YWHAE: variants seen among roughly 807,000 people sequenced by gnomAD.
YWHAE encodes the protein tyrosine 3-monooxygenase/tryptophan 5-monooxygenase activation protein epsilon, also known as 14-3-3 protein epsilon.
A neutral mutation model predicts 30.1 loss-of-function variants in YWHAE; 4 were observed. The observed-to-expected ratio is 0.13, with a 90% CI of 0.07 to 0.30. The LOEUF (loss-of-function observed/expected upper bound fraction) is 0.30. YWHAE is among the 10% of genes least tolerant of loss of function. YWHAE has a pLI of 1.00. For missense variants in YWHAE, 121 were observed against 315.9 expected (o/e 0.38, Z 4.68); for synonymous variants, 118 against 111.8 (o/e 1.06, Z -0.35).
At chr17:1,378,839 C>G (rs572763644) in intron 1 of YWHAE, among the ~76,000 whole-genome samples, 1 of 151,846 alleles carries the variant, frequency 6.6e-6, no homozygotes, top group South Asian at 2.1e-4. Context: ...CCCAGCTACT[C>G]GGGAGGCTGA....
rs187811310 is a variant in YWHAE at position 1,372,200 on chromosome 17, G to A, written c.65-7142C>T. ...CCTTAAACCTTACTAACCAACCTCT[G>A]CTAGGTTCCAGCTTTCTATCTGTAG... On this transcript the variant is annotated intron_variant, in intron 1 of 5. Transcript: ENST00000264335. Among the ~76,000 whole-genome samples the A allele has an allele frequency of 3.9e-5, 6 of 152,238 alleles. No homozygotes were observed. The East Asian group carries it at 1.2e-3, about 29-fold the overall frequency.
chr17:1,389,156 G>C (rs2073352350), intron 1 of YWHAE, among the ~76,000 whole-genome samples: 1 of 152,144 alleles, frequency 6.6e-6, no homozygotes, highest in Non-Finnish European at 1.5e-5. Context: ...TGTAGAAACA[G>C]GGTCTCACTA....
intron 4 of YWHAE, among the ~76,000 whole-genome samples, chr17:1,357,417 A>G (rs1264139848): frequency 6.7e-6 from 1 of 149,984 alleles, no homozygotes; most frequent in Non-Finnish European, 1.5e-5. Context: ...AAAAAAAAAA[A>G]AAAATACAAA....
At chr17:1,385,827 C>T (rs947502292) in intron 1 of YWHAE, among the ~76,000 whole-genome samples, 8 of 152,048 alleles carry the variant, frequency 5.3e-5, no homozygotes, top group Admixed American at 4.6e-4. Context: ...TGCTATAATC[C>T]CAGCACTTTA....
At chr17:1,353,296 G>A (rs1438700914) in intron 5 of YWHAE, among the ~76,000 whole-genome samples, 2 of 151,908 alleles carry the variant, frequency 1.3e-5, no homozygotes, top group Non-Finnish European at 2.9e-5. Flanking sequence ...AAACTAGCCA[G>A]GCGTGGTGGC....
chr17:1,373,101 G>A (rs1271256255), intron 1 of YWHAE, among the ~76,000 whole-genome samples: 3 of 152,068 alleles, frequency 2.0e-5, no homozygotes, highest in East Asian at 3.9e-4. Flanking sequence ...AAATTAGCCA[G>A]GCATGGGGGC....
At chr17:1,355,370 A>C (rs2072723834) in intron 4 of YWHAE, among the ~76,000 whole-genome samples, 1 of 151,540 alleles carries the variant, frequency 6.6e-6, no homozygotes. Context: ...CGTGTTAGCC[A>C]GGATGGTCTT....
intron 1 of YWHAE, among the ~76,000 whole-genome samples, chr17:1,377,686 T>G (rs1820777002): frequency 6.6e-6 from 1 of 152,148 alleles, no homozygotes; most frequent in Non-Finnish European, 1.5e-5. Context: ...GCTAATCAAT[T>G]AGCCAATGAC....
intron 1 of YWHAE, among the ~76,000 whole-genome samples, chr17:1,393,016 C>G (rs917242297): frequency 3.3e-5 from 5 of 151,890 alleles, no homozygotes; most frequent in Admixed American, 3.3e-4. Context: ...CCAGCCTGGG[C>G]AACATGGTGA....
intron 1 of YWHAE, among the ~76,000 whole-genome samples, chr17:1,388,095 ATTTTTGTTTTTTTTTTTGGTTGGTTTTT>A (rs1396001581): frequency 2.7e-5 from 2 of 72,814 alleles, no homozygotes; most frequent in Non-Finnish European, 5.0e-5. Flanking sequence ...CGCCTGGGTA[ATTTTTGTTTTTTTTTTTGGTTGGTTTTT>A]TTTTTTTTTT....
In YWHAE at chr17:1,350,790, T is replaced by C. The variant is rs1453401945; in HGVS notation, c.715+3421A>G. Among the ~76,000 whole-genome samples, 4 of 150,684 alleles carry C rather than the reference T, an allele frequency of 2.7e-5. No individual in the cohort carries two copies. The East Asian group carries it at 6.3e-4, about 24-fold the overall frequency. ...AATAAAAAAAAATGGCCAGGCGCAG[T>C]GGCTCACGCCTGTAATCCAAGCATT... On this transcript the variant is annotated intron_variant, in intron 5 of 5. Transcript: ENST00000264335.
chr17:1,366,420 T>G (rs905302882), intron 1 of YWHAE, among the ~76,000 whole-genome samples: 1 of 151,022 alleles, frequency 6.6e-6, no homozygotes, highest in Non-Finnish European at 1.5e-5. Context: ...CGCCTGTAAT[T>G]ACAGCTACTT....
intron 1 of YWHAE, among the ~76,000 whole-genome samples, chr17:1,373,404 G>A (rs1364510154): frequency 1.3e-5 from 2 of 151,684 alleles, no homozygotes; most frequent in East Asian, 3.9e-4. Flanking sequence ...GTGGACTCAC[G>A]CCTGTAATCC....
intron 1 of YWHAE, among the ~76,000 whole-genome samples, chr17:1,374,715 T>G (rs1464638735): frequency 1.3e-5 from 2 of 152,218 alleles, no homozygotes; most frequent in East Asian, 3.8e-4. Flanking sequence ...CTTATGAGCC[T>G]TTTGCGTATG....
chr17:1,383,972 GA>G (rs1237952049), intron 1 of YWHAE, among the ~76,000 whole-genome samples: 1 of 151,240 alleles, frequency 6.6e-6, no homozygotes, highest in African/African-American at 2.4e-5. Context: ...TTGGGAGGCC[GA>G]GGCACGTGGA....
At chr17:1,389,533 C>CTT (rs780905326) in intron 1 of YWHAE, among the ~76,000 whole-genome samples, 11 of 139,988 alleles carry the variant, frequency 7.9e-5, no homozygotes, top group African/African-American at 2.1e-4. Flanking sequence ...CGTTTTCTTT[C>CTT]TTTTTTTTTT....
At chr17:1,374,535 C>T (rs1050879612) in intron 1 of YWHAE, among the ~76,000 whole-genome samples, 3 of 152,042 alleles carry the variant, frequency 2.0e-5, no homozygotes, top group African/African-American at 7.2e-5. Context: ...GGAGCGGCAC[C>T]GTTTTTACAC....
At chr17:1,381,238 G>A (rs1052962045) in intron 1 of YWHAE, among the ~76,000 whole-genome samples, 2 of 152,158 alleles carry the variant, frequency 1.3e-5, no homozygotes, top group African/African-American at 4.8e-5. Flanking sequence ...ATTAGTCCGG[G>A]TGTGGTGGGA....
intron 1 of YWHAE, among the ~76,000 whole-genome samples, chr17:1,389,137 GTTTC>G (rs2073352011): frequency 6.6e-6 from 1 of 151,494 alleles, no homozygotes; most frequent in South Asian, 2.1e-4. Flanking sequence ...AGCTAATTCT[GTTTC>G]TTTTTGTAGA....
Sources: gnomAD v4.1 joint callset for allele counts (sites outside exome capture counted in the v4.1 genomes callset) on GRCh38, gnomAD v4.1.1 for gene constraint, MANE v1.5 for transcripts, NCBI Gene and HGNC (gene_info 2026-07-23, HGNC 2026-07-21) for gene names.